The following OTOGL variants were observed in gnomAD, a reference collection of about 807,000 sequenced individuals.
OTOGL encodes the protein otogelin like, also known as otogelin-like protein.
In OTOGL, 285 loss-of-function variants were observed where a neutral mutation model predicts 318.5. That is an observed-to-expected ratio of 0.89 (90% CI 0.81 to 0.99). OTOGL has a LOEUF of 0.99. OTOGL is among the 50% of genes least tolerant of loss of function. The pLI, the probability that OTOGL is intolerant of heterozygous loss-of-function variation, is 0.00. For synonymous variants in OTOGL, 987 were observed against 936.5 expected, an observed-to-expected ratio of 1.05 and a Z score of -0.99; for missense variants, 2,899 against 2,845.6, an observed-to-expected ratio of 1.02 and a Z score of -0.43.
At chr12:80,328,780 T>G (rs759335078) in intron 36 of OTOGL, 36 bp downstream of exon 36, 1 of 1,523,464 alleles carries the variant, frequency 6.6e-7, no homozygotes, top group Non-Finnish European at 9.1e-7. Context: ...CTCTGAAAAA[T>G]TATACGCTTG....
chr12:80,123,827 A>T (rs1015142833), intron 1 of OTOGL, among the ~76,000 whole-genome samples: 3 of 152,154 alleles, frequency 2.0e-5, no homozygotes, highest in African/African-American at 7.2e-5. Context: ...TTGGCTACAT[A>T]AATGTCTTCT....
chr12:80,150,061 G>T (rs1031898374), intron 1 of OTOGL, among the ~76,000 whole-genome samples: 7 of 152,168 alleles, frequency 4.6e-5, no homozygotes, highest in Admixed American at 1.3e-4. Flanking sequence ...TTCCTATTCG[G>T]CCATCTTGGC....
intron 1 of OTOGL, among the ~76,000 whole-genome samples, chr12:80,172,618 C>T (rs1400495472): frequency 2.8e-4 from 43 of 151,132 alleles, no homozygotes; most frequent in South Asian, 2.1e-4. Context: ...TTTTTTTTTC[C>T]TATCTTATGT....
intron 46 of OTOGL, among the ~76,000 whole-genome samples, chr12:80,354,717 C>T (rs1197299191): frequency 1.3e-5 from 2 of 152,148 alleles, no homozygotes. Context: ...TGAGAATATA[C>T]ACATGTGCTT....
At chr12:80,215,744 G>T (rs1877657047) in intron 4 of OTOGL, among the ~76,000 whole-genome samples, 1 of 152,156 alleles carries the variant, frequency 6.6e-6, no homozygotes, top group African/African-American at 2.4e-5. Flanking sequence ...AAGGAAGAAG[G>T]TTTTGGTGTC....
intron 1 of OTOGL, among the ~76,000 whole-genome samples, chr12:80,155,039 G>T (rs1184375083): frequency 6.6e-6 from 1 of 152,026 alleles, no homozygotes. Flanking sequence ...TGTAAGATGT[G>T]GAGCATTTTT....
chr12:80,202,949 G>A (rs1165296533), intron 1 of OTOGL, among the ~76,000 whole-genome samples: 1 of 151,986 alleles, frequency 6.6e-6, no homozygotes, highest in African/African-American at 2.4e-5. Flanking sequence ...AAAGCTCCAG[G>A]GCCCACAACC....
chr12:80,297,282 C>T (rs1235343553), intron 27 of OTOGL, among the ~76,000 whole-genome samples: 2 of 151,606 alleles, frequency 1.3e-5, no homozygotes, highest in Non-Finnish European at 2.9e-5. Flanking sequence ...TCTTTCCCCT[C>T]TTATTCATCC....
intron 1 of OTOGL, among the ~76,000 whole-genome samples, chr12:80,148,573 T>C (rs1325433737): frequency 1.3e-5 from 2 of 151,876 alleles, no homozygotes; most frequent in Non-Finnish European, 2.9e-5. Flanking sequence ...TGGTGTTCTC[T>C]GTATTTCCTG....
At chr12:80,355,603 C>T in intron 46 of OTOGL, 133 bp from the exon 47 acceptor site, 5 of 659,750 alleles carry the variant, frequency 7.6e-6, no homozygotes, top group Non-Finnish European at 1.2e-5. Flanking sequence ...AAAGAGAAAT[C>T]TGAGAAAAAC....
chr12:80,287,724 C>CT (rs888358681), intron 26 of OTOGL, among the ~76,000 whole-genome samples: 43 of 150,716 alleles, frequency 2.9e-4, no homozygotes, highest in African/African-American at 8.5e-4. Flanking sequence ...ACAACTTCTG[C>CT]TTTTTTTTTG....
At chr12:80,347,438 C>A (rs531950961) in intron 44 of OTOGL, among the ~76,000 whole-genome samples, 1 of 152,226 alleles carries the variant, frequency 6.6e-6, no homozygotes, top group Admixed American at 6.5e-5. Context: ...TGATTGTTTC[C>A]AGCTTCATCC....
chr12:80,144,475 T>C (rs1872192405), intron 1 of OTOGL, among the ~76,000 whole-genome samples: 1 of 148,540 alleles, frequency 6.7e-6, no homozygotes, highest in African/African-American at 2.6e-5. Flanking sequence ...TTTGGGTTGG[T>C]TCCAAGTCTT....
At chr12:80,353,633 G>A in intron 46 of OTOGL, 123 bp downstream of exon 46, 1 of 789,622 alleles carries the variant, frequency 1.3e-6, no homozygotes, top group African/African-American at 1.8e-5. Flanking sequence ...GAAAGGAAAT[G>A]AGTTTGTTTG....
chr12:80,203,438 T>C (rs1488282210), intron 1 of OTOGL, among the ~76,000 whole-genome samples: 1 of 152,134 alleles, frequency 6.6e-6, no homozygotes, highest in Non-Finnish European at 1.5e-5. Flanking sequence ...TGTTTTGTTA[T>C]GTTAAGTAAA....
At chr12:80,243,463 T>G (rs1317239943) in intron 11 of OTOGL, among the ~76,000 whole-genome samples, 1 of 151,846 alleles carries the variant, frequency 6.6e-6, no homozygotes, top group Admixed American at 6.6e-5. Context: ...TAACGGACAT[T>G]CTCTCAATAT....
Position 80,285,221 on chromosome 12 carries a change from G to T in OTOGL, c.2928+6055G>T, listed in dbSNP as rs538421746. 7.0e-4 allele frequency among the ~76,000 whole-genome samples: 106 copies of T among 151,914 alleles called. 1 individual carries two copies. The highest frequency in any genetic ancestry group is 1.2e-3 in the Non-Finnish European group (79 of 67,878). ...GGCATTATTTCCGAGGCCTCTGTTA[G>T]GTTCCATTGGTCTATATACCTGTTT... On this transcript the variant is annotated intron_variant, in intron 26 of 58. Coordinates refer to ENST00000547103, the MANE Select transcript of OTOGL (RefSeq NM_001378609.3).
intron 24 of OTOGL, among the ~76,000 whole-genome samples, chr12:80,273,699 G>GCTTTATTGCA (rs1883581364): frequency 6.6e-6 from 1 of 151,928 alleles, no homozygotes; most frequent in Admixed American, 6.6e-5. Flanking sequence ...TGTGTGTTTT[G>GCTTTATTGCA]CTTTATTGCA....
chr12:80,200,721 G>A (rs1210263964), intron 1 of OTOGL, among the ~76,000 whole-genome samples: 1 of 152,166 alleles, frequency 6.6e-6, no homozygotes, highest in African/African-American at 2.4e-5. Flanking sequence ...TACAGCAGAG[G>A]CATACATTAA....
Sources: allele counts gnomAD v4.1 joint callset (sites outside exome capture counted in the v4.1 genomes callset), GRCh38; gene constraint gnomAD v4.1.1; transcripts MANE v1.5; gene names NCBI Gene and HGNC (gene_info 2026-07-23, HGNC 2026-07-21).